The following RBFOX1 variants were observed in gnomAD, a reference collection of about 807,000 sequenced individuals.
RBFOX1 encodes RNA binding protein fox-1 homolog 1.
Under a neutral mutation model 57.7 loss-of-function variants are expected in RBFOX1, and 8 were observed. That is an observed-to-expected ratio of 0.14 (90% CI 0.08 to 0.25). The LOEUF (loss-of-function observed/expected upper bound fraction) is 0.25, where lower values mean the gene tolerates loss of function less well. Among genes scored for constraint, RBFOX1 ranks in the 10% least tolerant of loss-of-function variants. The pLI is 1.00. For synonymous variants in RBFOX1, 326 were observed against 222.4 expected, an observed-to-expected ratio of 1.47 and a Z score of -4.15; for missense variants, 611 against 548.5, an observed-to-expected ratio of 1.11 and a Z score of -1.14.
intron 2 of RBFOX1, among the ~76,000 whole-genome samples, chr16:6,616,966 T>C (rs1051178349): frequency 2.0e-5 from 3 of 152,226 alleles, no homozygotes; most frequent in Non-Finnish European, 2.9e-5. Flanking sequence ...AGCAGAGTTT[T>C]GCAACAGAGA....
chr16:6,183,487 TAAA>T (rs1322752523), intron 1 of RBFOX1, among the ~76,000 whole-genome samples: 1 of 1,788 alleles, frequency 5.6e-4, no homozygotes, highest in African/African-American at 1.1e-3. Flanking sequence ...CTAAAAAAAT[TAAA>T]TAAATAAATA....
At chr16:7,510,507 GT>G (rs1316581748) in intron 4 of RBFOX1, among the ~76,000 whole-genome samples, 346 of 150,970 alleles carry the variant, frequency 2.3e-3, no homozygotes, top group Middle Eastern at 3.4e-3. Context: ...GTGTGTGTGT[GT>G]GTGGGCGCGC....
At chr16:6,396,227 G>T (rs2092829194) in intron 2 of RBFOX1, among the ~76,000 whole-genome samples, 1 of 152,074 alleles carries the variant, frequency 6.6e-6, no homozygotes, top group Non-Finnish European at 1.5e-5. Flanking sequence ...ACAACCATAA[G>T]TAGGCAGAAA....
At chr16:6,293,270 AC>A (rs2077663018) in intron 1 of RBFOX1, among the ~76,000 whole-genome samples, 1 of 152,150 alleles carries the variant, frequency 6.6e-6, no homozygotes, top group Non-Finnish European at 1.5e-5. Flanking sequence ...AGGGGTATAA[AC>A]CTAGACACTC....
intron 3 of RBFOX1, among the ~76,000 whole-genome samples, chr16:6,659,339 G>C (rs921252872): frequency 6.6e-6 from 1 of 152,128 alleles, no homozygotes; most frequent in African/African-American, 2.4e-5. Context: ...AAAGGAGTTT[G>C]AGTGGTTTTC....
intron 3 of RBFOX1, among the ~76,000 whole-genome samples, chr16:5,664,959 T>TA (rs1555496932): frequency 6.6e-6 from 1 of 151,866 alleles, no homozygotes. Context: ...TTTTTTTTTT[T>TA]ATCGAGATAG....
At chr16:5,685,962 T>A (rs2050492083) in intron 3 of RBFOX1, among the ~76,000 whole-genome samples, 1 of 152,208 alleles carries the variant, frequency 6.6e-6, no homozygotes, top group Non-Finnish European at 1.5e-5. Context: ...GGGACATGAA[T>A]GAAGCAAAGG....
At chr16:7,233,712 C>G (rs975522418) in intron 4 of RBFOX1, among the ~76,000 whole-genome samples, 6 of 152,080 alleles carry the variant, frequency 3.9e-5, no homozygotes, top group African/African-American at 1.2e-4. Flanking sequence ...TCCAACTCGT[C>G]TTTTATTTAT....
intron 3 of RBFOX1, among the ~76,000 whole-genome samples, chr16:6,899,711 G>C (rs999590745): frequency 2.7e-4 from 41 of 152,186 alleles, no homozygotes; most frequent in Admixed American, 1.2e-3. Context: ...GCCCATGGAG[G>C]CTTCATGCAT....
chr16:7,567,267 CTA>C (rs373088145), intron 5 of RBFOX1, among the ~76,000 whole-genome samples: 686 of 42,322 alleles, frequency 0.016, 62 homozygotes, highest in South Asian at 0.054. Flanking sequence ...ATATATATCC[CTA>C]TATATATATC....
intron 4 of RBFOX1, among the ~76,000 whole-genome samples, chr16:7,160,102 A>T (rs1229458643): frequency 6.6e-6 from 1 of 152,160 alleles, no homozygotes; most frequent in Non-Finnish European, 1.5e-5. Context: ...CTAATTTCTT[A>T]CCACAACAGA....
At chr16:6,493,265 T>C (rs1043543885) in intron 2 of RBFOX1, among the ~76,000 whole-genome samples, 5 of 152,088 alleles carry the variant, frequency 3.3e-5, no homozygotes, top group Non-Finnish European at 5.9e-5. Context: ...GGTTGAGGTT[T>C]GGGGTCAGTA....
chr16:6,042,602 C>G (rs1052314389), intron 1 of RBFOX1, among the ~76,000 whole-genome samples: 4 of 152,004 alleles, frequency 2.6e-5, no homozygotes, highest in African/African-American at 7.2e-5. Context: ...AAAAGAAACT[C>G]TGGAAGATAT....
chr16:6,971,976 C>T (rs2085654057), intron 3 of RBFOX1, among the ~76,000 whole-genome samples: 1 of 152,108 alleles, frequency 6.6e-6, no homozygotes, highest in African/African-American at 2.4e-5. Flanking sequence ...GTCCGTGCCA[C>T]AGGCAATCCC....
chr16:6,308,829 G>C (rs773283421), intron 1 of RBFOX1, among the ~76,000 whole-genome samples: 3 of 152,116 alleles, frequency 2.0e-5, no homozygotes, highest in Admixed American at 6.5e-5. Flanking sequence ...GGGATGTAGA[G>C]GAACACCAAA....
chr16:6,246,553 C>T (rs1392734445), intron 1 of RBFOX1, among the ~76,000 whole-genome samples: 1 of 152,070 alleles, frequency 6.6e-6, no homozygotes, highest in Admixed American at 6.6e-5. Flanking sequence ...ATTGGCAGCT[C>T]TGTGGTAACA....
chr16:6,750,616 G>A (rs749004722), intron 3 of RBFOX1, among the ~76,000 whole-genome samples: 2 of 152,220 alleles, frequency 1.3e-5, no homozygotes, highest in Admixed American at 1.3e-4. Context: ...TATTTTGAAA[G>A]AAACATTGAG....
chr16:6,356,289 C>T (rs529009054), intron 2 of RBFOX1, among the ~76,000 whole-genome samples: 24 of 152,238 alleles, frequency 1.6e-4, no homozygotes, highest in African/African-American at 4.6e-4. Context: ...CCAAAAACAT[C>T]CTCAGCCAAC....
At chr16:7,324,177 G>T (rs1259616011) in intron 4 of RBFOX1, among the ~76,000 whole-genome samples, 1 of 152,158 alleles carries the variant, frequency 6.6e-6, no homozygotes, top group African/African-American at 2.4e-5. Context: ...CATCTGATGA[G>T]CCTTCTATCC....
Sources: gnomAD v4.1 joint callset for allele counts (sites outside exome capture counted in the v4.1 genomes callset) on GRCh38, gnomAD v4.1.1 for gene constraint, MANE v1.5 for transcripts, NCBI Gene and HGNC (gene_info 2026-07-23, HGNC 2026-07-21) for gene names.